Variants in RALGAPA1 observed in about 807,000 individuals in gnomAD.
RALGAPA1 encodes the protein Ral GTPase activating protein catalytic subunit alpha 1.
A neutral mutation model predicts 269.6 loss-of-function variants in RALGAPA1; 52 were observed. The ratio of observed to expected loss-of-function variants is 0.19; its 90% confidence interval spans 0.15 to 0.24. The LOEUF (loss-of-function observed/expected upper bound fraction) is 0.24. RALGAPA1 is among the 10% of genes least tolerant of loss of function. RALGAPA1 has a pLI of 1.00. For missense variants in RALGAPA1, 1,917 were observed against 3,013.9 expected (o/e 0.64, Z 8.52); for synonymous variants, 817 against 1,008.3 (o/e 0.81, Z 3.60).
At position 35,747,321 on chromosome 14, in the gene RALGAPA1, T is replaced by C. The variant is rs150352005; in HGVS notation, c.1251+1264A>G. 1.4e-3 allele frequency among the ~76,000 whole-genome samples: 220 copies of C among 152,338 alleles called. 1 individual carries two copies. The highest frequency in any genetic ancestry group is 4.5e-3 in the African/African-American group (187 of 41,582). On this transcript the variant is annotated intron_variant, in intron 10 of 41. Transcript: ENST00000680220. ...AGAAATGCCTAGAAAAATAAACTTA[T>C]TTAAACTGACTCAACAACTGGAAAG... is the stretch of plus-strand genomic sequence containing the variant.
intron 1 of RALGAPA1, among the ~76,000 whole-genome samples, chr14:35,776,294 T>C (rs2075017019): frequency 1.3e-5 from 2 of 150,876 alleles, no homozygotes. Flanking sequence ...GGCACGAGAA[T>C]CACTTGAACC....
intron 1 of RALGAPA1, among the ~76,000 whole-genome samples, chr14:35,786,359 G>A (rs563966908): frequency 1.2e-3 from 181 of 152,242 alleles, no homozygotes; most frequent in African/African-American, 4.1e-3. Flanking sequence ...CTGGTTACCA[G>A]CCAGGCGCGG....
chr14:35,708,880 T>C (rs1482603355), intron 16 of RALGAPA1, among the ~76,000 whole-genome samples: 1 of 152,208 alleles, frequency 6.6e-6, no homozygotes, highest in East Asian at 1.9e-4. Context: ...ATAAAGGATA[T>C]GTGGTATATA....
chr14:35,648,380 C>T (rs1281306156), intron 31 of RALGAPA1, among the ~76,000 whole-genome samples: 1 of 149,102 alleles, frequency 6.7e-6, no homozygotes, highest in Admixed American at 6.7e-5. Context: ...GCAGGAGAAT[C>T]ACTTGAACCT....
intron 37 of RALGAPA1, among the ~76,000 whole-genome samples, chr14:35,579,590 T>C (rs148831620): frequency 0.039 from 5,103 of 131,328 alleles, 159 homozygotes; most frequent in Middle Eastern, 0.096. Context: ...TGTGGCAACA[T>C]AGTGAGACTC....
chr14:35,674,175 C>A lies in RALGAPA1; in HGVS notation c.4917+5G>T, dbSNP rs370011083. On this transcript the variant is annotated splice_donor_5th_base_variant and intron_variant, in intron 24 of 41. Coordinates refer to ENST00000680220, the MANE Select transcript of RALGAPA1 (RefSeq NM_001346249.2). ...TTAAACTAATATTTTATATATTAAG[C>A]TTACCTTAAAAAGCCAAGGTGTAAG... 1.9e-6 allele frequency: 3 copies of A among 1,588,354 alleles called. No individual in the cohort carries two copies. The highest frequency in any genetic ancestry group is 2.6e-6 in the Non-Finnish European group (3 of 1,160,740).
chr14:35,555,571 A>G (rs1331010223), intron 39 of RALGAPA1, among the ~76,000 whole-genome samples: 4 of 152,244 alleles, frequency 2.6e-5, no homozygotes, highest in Non-Finnish European at 5.9e-5. Flanking sequence ...TAAAAAGGCC[A>G]CCTTGAAAGA....
chr14:35,779,968 G>A lies in RALGAPA1; in HGVS notation c.107-4223C>T, dbSNP rs149109230. Among the ~76,000 whole-genome samples, 23 of 152,168 alleles carry A rather than the reference G, an allele frequency of 1.5e-4. 1 individual carries two copies. The highest frequency in any genetic ancestry group is 3.4e-3 in the Middle Eastern group (1 of 294). On this transcript the variant is annotated intron_variant, in intron 1 of 41. Coordinates refer to ENST00000680220, the MANE Select transcript of RALGAPA1 (RefSeq NM_001346249.2). The stretch of plus-strand genomic sequence containing the variant: ...GAAACCCTGTCTCTACTAGCTGGGC[G>A]TGGTGGTGGGCGCCTGTAGTCCCAG...
rs1594905580 is a variant in RALGAPA1, at chr14:35,634,475, A to C, written c.5995+99T>G. The C allele has an allele frequency of 5.4e-6, 5 of 919,666 alleles. No individual in the cohort carries two copies. The East Asian group carries it at 1.4e-4, about 25-fold the overall frequency. The allele number at this position is 919,666 out of a possible 1,614,324, so 57.0% of individuals were successfully genotyped here. Reference sequence around the variant, plus strand: ...ATACATGGTTAAACAACTACAAAGTAAGACATACTCTCCTTCTCCAATATT... The same window carrying C: ...ATACATGGTTAAACAACTACAAAGTCAGACATACTCTCCTTCTCCAATATT... On this transcript the variant is annotated intron_variant, in intron 33 of 41. Coordinates refer to ENST00000680220, the MANE Select transcript of RALGAPA1 (RefSeq NM_001346249.2).
chr14:35,766,389 C>G, intron 4 of RALGAPA1: 1 of 1,529,524 alleles, frequency 6.5e-7, no homozygotes, highest in Non-Finnish European at 9.0e-7. Flanking sequence ...AGAGGAATAT[C>G]TTGTACTGGA....
At chr14:35,626,588 T>C (rs767959476) in intron 34 of RALGAPA1, among the ~76,000 whole-genome samples, 1 of 152,186 alleles carries the variant, frequency 6.6e-6, no homozygotes, top group Non-Finnish European at 1.5e-5. Context: ...TTAAGCTAGG[T>C]CTTCTGATTT....
chr14:35,561,226 C>CAAAAAAAA (rs71124706), intron 39 of RALGAPA1, among the ~76,000 whole-genome samples: 1 of 36,782 alleles, frequency 2.7e-5, no homozygotes, highest in Admixed American at 4.6e-4. Context: ...AACTCTGTCT[C>CAAAAAAAA]AAAAAAAAAA....
rs75876683 is a variant in RALGAPA1 at position 35,641,014 on chromosome 14, T to C, written c.5677-5416A>G. 8.1e-4 allele frequency among the ~76,000 whole-genome samples: 124 copies of C among 152,236 alleles called. 1 individual carries two copies. In the East Asian group the frequency reaches 0.02, roughly 25 times the overall value. ...AATTTCAGTTGCTGCTGAAAAAGCA[T>C]CTGATGAAATTCAACATCCCTTCAT... On this transcript the variant is annotated intron_variant, in intron 31 of 41. Transcript: ENST00000680220.
At chr14:35,578,760 A>C (rs10133791) in intron 37 of RALGAPA1, among the ~76,000 whole-genome samples, 19,841 of 152,172 alleles carry the variant, frequency 0.13, 2,197 homozygotes, top group East Asian at 0.31. Flanking sequence ...TGTCACTTTG[A>C]TAAAGACAAA....
chr14:35,797,211 G>T (rs554013552), intron 1 of RALGAPA1, among the ~76,000 whole-genome samples: 1 of 151,976 alleles, frequency 6.6e-6, no homozygotes, highest in African/African-American at 2.4e-5. Context: ...AAAATTAGCT[G>T]GGCGTGGTGG....
intron 16 of RALGAPA1, among the ~76,000 whole-genome samples, chr14:35,712,436 G>C (rs1051435815): frequency 2.6e-5 from 4 of 151,994 alleles, no homozygotes; most frequent in African/African-American, 9.7e-5. Flanking sequence ...TGCAAAGCAA[G>C]TATACTGGCA....
chr14:35,661,210 G>A (rs912634735), intron 27 of RALGAPA1, among the ~76,000 whole-genome samples: 3 of 152,058 alleles, frequency 2.0e-5, no homozygotes, highest in African/African-American at 7.2e-5. Flanking sequence ...CTGTATACGT[G>A]TTATCAAGAC....
chr14:35,756,136 T>C (rs1425531656), intron 7 of RALGAPA1, among the ~76,000 whole-genome samples: 1 of 152,174 alleles, frequency 6.6e-6, no homozygotes, highest in African/African-American at 2.4e-5. Context: ...CAACTGCTGA[T>C]CACAAATGAA....
chr14:35,542,023 T>C, intron 41 of RALGAPA1: 1 of 1,257,820 alleles, frequency 8.0e-7, no homozygotes, highest in Non-Finnish European at 1.0e-6. Flanking sequence ...AATGTTATAC[T>C]TACCAACTAA....
Sources: allele counts gnomAD v4.1 joint callset (sites outside exome capture counted in the v4.1 genomes callset), GRCh38; gene constraint gnomAD v4.1.1; transcripts MANE v1.5; gene names NCBI Gene and HGNC (gene_info 2026-07-23, HGNC 2026-07-21).